CEMIP: variants seen among roughly 807,000 people sequenced by gnomAD.
CEMIP encodes the protein cell migration-inducing and hyaluronan-binding protein.
A neutral mutation model predicts 156.9 loss-of-function variants in CEMIP; 105 were observed. The observed-to-expected ratio is 0.67, with a 90% CI of 0.57 to 0.79. CEMIP has a LOEUF of 0.79. Ranked by LOEUF, CEMIP falls within the 30% of genes least tolerant of loss-of-function variation. The probability of loss-of-function intolerance (pLI) is 0.00; values close to 1 mark genes in which losing one functional copy is unlikely to be tolerated. For missense variants in CEMIP, 1,457 were observed against 1,769.4 expected (o/e 0.82, Z 3.17); for synonymous variants, 676 against 668.4 (o/e 1.01, Z -0.17).
intron 3 of CEMIP, among the ~76,000 whole-genome samples, chr15:80,875,808 A>T (rs897050485): frequency 6.6e-6 from 1 of 152,138 alleles, no homozygotes; most frequent in Non-Finnish European, 1.5e-5. Flanking sequence ...ATTCATACAA[A>T]TGAAAAGCCA....
chr15:80,927,671 T>G (rs1900748122), intron 19 of CEMIP, among the ~76,000 whole-genome samples: 1 of 152,072 alleles, frequency 6.6e-6, no homozygotes, highest in Non-Finnish European at 1.5e-5. Flanking sequence ...ACCAAGGCTG[T>G]GGTCCTACGT....
chr15:80,788,496 A>G (rs1896000830), intron 1 of CEMIP, among the ~76,000 whole-genome samples: 1 of 151,804 alleles, frequency 6.6e-6, no homozygotes, highest in Non-Finnish European at 1.5e-5. Flanking sequence ...AGAAAAAAGA[A>G]AAAAGAAAAA....
chr15:80,811,787 G>C (rs1285317754), intron 1 of CEMIP, among the ~76,000 whole-genome samples: 1 of 151,798 alleles, frequency 6.6e-6, no homozygotes, highest in African/African-American at 2.4e-5. Context: ...GAACTCGTGA[G>C]CTCAAGAAAT....
intron 1 of CEMIP, among the ~76,000 whole-genome samples, chr15:80,865,746 A>G (rs1898109469): frequency 6.6e-6 from 1 of 151,810 alleles, no homozygotes. Flanking sequence ...GCCCAGGGAA[A>G]CCAAAAGTTT....
At chr15:80,876,966 C>T (rs961995248) in intron 3 of CEMIP, among the ~76,000 whole-genome samples, 1 of 152,194 alleles carries the variant, frequency 6.6e-6, no homozygotes, top group Non-Finnish European at 1.5e-5. Context: ...AATGGACTCA[C>T]AGTTCCACAT....
intron 28 of CEMIP, chr15:80,946,700 C>T (rs1009800585): frequency 3.5e-5 from 17 of 484,276 alleles, no homozygotes; most frequent in African/African-American, 1.8e-4. Flanking sequence ...GACATGTAAA[C>T]GCGGTGAGCC....
At position 80,884,314 on chromosome 15, in the gene CEMIP, A is replaced by G; in HGVS notation, c.757A>G (p.Thr253Ala). The G allele has an allele frequency of 6.2e-7, 1 of 1,614,200 alleles. No individual in the cohort carries two copies. Among genetic ancestry groups the G allele is most frequent in the Non-Finnish European group, 8.5e-7 (1 of 1,180,032 alleles). Residue 253 changes from threonine to alanine, a missense_variant, in exon 7 of 30, where the codon ACC becomes GCC. Thr to Ala is a moderately conservative substitution (Grantham distance 58). Coordinates refer to ENST00000394685, the MANE Select transcript of CEMIP (RefSeq NM_001293298.2). ...GGATGACATGGCCAGGAAGGCGATGACCAAATTGGGAAGCAAACACTTCCT... is the reference window on the plus strand; with the variant it reads ...GGATGACATGGCCAGGAAGGCGATGGCCAAATTGGGAAGCAAACACTTCCT... ...NLDDMARKAMTKLGSKHFLHL... is the reference protein window; with the variant it reads ...NLDDMARKAMAKLGSKHFLHL...
chr15:80,900,646 GTGTCTGTGTGTGTGTC>G (rs1567090976), intron 12 of CEMIP, among the ~76,000 whole-genome samples: 49 of 117,416 alleles, frequency 4.2e-4, no homozygotes, highest in African/African-American at 1.5e-3. Flanking sequence ...GTGTGTGTGT[GTGTCTGTGTGTGTGTC>G]TGTGTGTGTG....
intron 1 of CEMIP, among the ~76,000 whole-genome samples, chr15:80,802,121 T>A (rs887996362): frequency 6.6e-6 from 1 of 152,184 alleles, no homozygotes; most frequent in African/African-American, 2.4e-5. Context: ...TTTCTTTGAG[T>A]CCTAATTCTG....
intron 23 of CEMIP, among the ~76,000 whole-genome samples, chr15:80,934,986 A>C (rs1473367131): frequency 6.6e-6 from 1 of 152,182 alleles, no homozygotes; most frequent in Non-Finnish European, 1.5e-5. Context: ...TTGTGGAAGG[A>C]GTGCCTGGCA....
chr15:80,900,305 C>T (rs1004161716), intron 12 of CEMIP, among the ~76,000 whole-genome samples: 5 of 138,916 alleles, frequency 3.6e-5, no homozygotes, highest in Non-Finnish European at 7.9e-5. Flanking sequence ...TCTGGAGGTC[C>T]CTGAAGGCTG....
chr15:80,948,057 A>T (rs1375772172), intron 29 of CEMIP: 1 of 153,442 alleles, frequency 6.5e-6, no homozygotes, highest in African/African-American at 2.4e-5. Flanking sequence ...TATCCTTTCC[A>T]GCCCAGTCCT....
intron 1 of CEMIP, among the ~76,000 whole-genome samples, chr15:80,810,896 C>T (rs1896657213): frequency 6.6e-6 from 1 of 152,222 alleles, no homozygotes; most frequent in Non-Finnish European, 1.5e-5. Flanking sequence ...AACCATCTGG[C>T]TGTCCATCCA....
chr15:80,837,464 T>C (rs1370994695), intron 1 of CEMIP, among the ~76,000 whole-genome samples: 2 of 152,120 alleles, frequency 1.3e-5, no homozygotes, highest in Non-Finnish European at 2.9e-5. Context: ...CACCAGCTCA[T>C]GTCTGTCCTC....
chr15:80,915,132 C>T (rs974938044), intron 14 of CEMIP, among the ~76,000 whole-genome samples: 14 of 152,146 alleles, frequency 9.2e-5, no homozygotes, highest in Non-Finnish European at 1.5e-4. Context: ...TGATGTTTTC[C>T]CCAGGAGCAG....
intron 18 of CEMIP, 87 bp from the exon 19 acceptor site, chr15:80,925,537 G>C (rs1900625087): frequency 6.4e-7 from 1 of 1,555,698 alleles, no homozygotes; most frequent in Non-Finnish European, 8.7e-7. Flanking sequence ...ACTGTGAGTA[G>C]AGAGAGGCTC....
intron 1 of CEMIP, among the ~76,000 whole-genome samples, chr15:80,860,564 A>C (rs1897960858): frequency 6.6e-6 from 1 of 152,114 alleles, no homozygotes; most frequent in Non-Finnish European, 1.5e-5. Flanking sequence ...AAAACACCAC[A>C]CCCAGTGGTG....
rs1203666379 is a variant in CEMIP at position 80,936,657 on chromosome 15, T to C, written c.3010-17T>C. 1 of 1,604,274 alleles carries C rather than the reference T, an allele frequency of 6.2e-7. No individual in the cohort carries two copies. Among genetic ancestry groups the C allele is most frequent in the African/African-American group, 1.3e-5 (1 of 74,748 alleles). On this transcript the variant is annotated splice_polypyrimidine_tract_variant and intron_variant, in intron 23 of 29. Transcript: ENST00000394685. ...CGTAATAGCCTCATTGTGTGTTTCC[T>C]TTTTGGGTTTTAAAAGATGTACATT... is the stretch of plus-strand genomic sequence containing the variant.
intron 1 of CEMIP, among the ~76,000 whole-genome samples, chr15:80,834,009 T>C (rs56051092): frequency 0.021 from 3,246 of 152,298 alleles, 47 homozygotes; most frequent in Middle Eastern, 0.034. Flanking sequence ...GATGACTTTT[T>C]GTTTTGGCGG....
Sources: allele counts gnomAD v4.1 joint callset (sites outside exome capture counted in the v4.1 genomes callset), GRCh38; gene constraint gnomAD v4.1.1; transcripts MANE v1.5; gene names NCBI Gene and HGNC (gene_info 2026-07-23, HGNC 2026-07-21).